The following PRKD3 variants were observed in gnomAD, a reference collection of about 807,000 sequenced individuals.
PRKD3 encodes the protein serine/threonine-protein kinase D3.
A neutral mutation model predicts 99.2 loss-of-function variants in PRKD3; 47 were observed. The observed-to-expected ratio is 0.47, with a 90% CI of 0.38 to 0.60. The LOEUF is 0.60. Ranked by LOEUF, PRKD3 falls within the 20% of genes least tolerant of loss-of-function variation. PRKD3 has a pLI of 0.00. For synonymous variants in PRKD3, 392 were observed against 355.4 expected, an observed-to-expected ratio of 1.10 and a Z score of -1.16; for missense variants, 1,019 against 1,088.4, an observed-to-expected ratio of 0.94 and a Z score of 0.90.
In PRKD3 at chr2:37,316,679, T is replaced by G. The variant is rs17410072; in HGVS notation, c.-155A>C. 67,783 of 1,435,200 alleles carry G rather than the reference T, an allele frequency of 0.047. 1,717 individuals carry two copies. Among genetic ancestry groups the G allele is most frequent in the African/African-American group, 0.05 (3,519 of 69,748 alleles). 88.9% of individuals were successfully genotyped at this position (1,435,200 alleles called of 1,614,324 possible). A position where few individuals can be genotyped will look rare whatever the true frequency, so the allele number is the denominator to read the frequency against. On this transcript the variant is annotated 5_prime_UTR_variant, in exon 2 of 19. Transcript: ENST00000234179. Reference sequence around the variant, plus strand: ...TGTTAAGCCACTCATGCCGATACTTTTAAGTTTTATCAAGGAGTTGAATGC... The same window carrying G: ...TGTTAAGCCACTCATGCCGATACTTGTAAGTTTTATCAAGGAGTTGAATGC...
chr2:37,273,830 CTG>C (rs1669428427), intron 11 of PRKD3, among the ~76,000 whole-genome samples: 1 of 152,166 alleles, frequency 6.6e-6, no homozygotes, highest in Non-Finnish European at 1.5e-5. Context: ...CGATTGTTAA[CTG>C]TTTACTTTTG....
In PRKD3 at chr2:37,256,890, C is replaced by T. The variant is rs1428165349; in HGVS notation, c.2185G>A (p.Glu729Lys). The change falls in exon 17 of 19, where the codon GAA (glutamate) becomes AAA (lysine). Residue 729 changes from glutamate (E) to lysine (K), a missense_variant. Glu to Lys is a moderately conservative substitution (Grantham distance 56). Around this residue, in one of 3 missense-constraint regions of PRKD3, gnomAD observed 184 missense variants for 275.1 expected, o/e 0.67. Transcript: ENST00000234179. Reference protein sequence around the residue: ...CDFGFARIIGEKSFRRSVVGT... With the variant: ...CDFGFARIIGKKSFRRSVVGT... ...ACCACAGATCTCCTGAATGACTTTT[C>T]ACCAATGATGCGTGCAAATCCAAAG... The T allele has an allele frequency of 1.2e-6, 2 of 1,613,984 alleles. No individual in the cohort carries two copies. The highest frequency in any genetic ancestry group is 1.7e-6 in the Non-Finnish European group (2 of 1,179,994).
At chr2:37,321,262 T>C (rs897610454) in intron 1 of PRKD3, among the ~76,000 whole-genome samples, 1 of 152,184 alleles carries the variant, frequency 6.6e-6, no homozygotes, top group African/African-American at 2.4e-5. Flanking sequence ...AATATTCTTT[T>C]GGGGAGCTAG....
Position 37,289,458 on chromosome 2 carries a change from A to T in PRKD3, c.615T>A (p.Ser205Arg), listed in dbSNP as rs562122456. The change falls in exon 5 of 19, where the codon AGT becomes AGA. Residue 205 changes from serine (S) to arginine (R), a missense_variant. Around this residue, in one of 3 missense-constraint regions of PRKD3, gnomAD observed 710 missense variants for 692.7 expected, o/e 1.02. Coordinates refer to ENST00000234179, the MANE Select transcript of PRKD3 (RefSeq NM_005813.6). ...RCAFKIPNNC[S>R]GVRKRRLSNV... ...TTGACAGACGTCTCTTTCTTACTCC[A>T]CTACAGTTATTTGGAATCTTGAAGG... is the stretch of plus-strand genomic sequence containing the variant. 2 of 1,613,820 alleles carry T rather than the reference A, an allele frequency of 1.2e-6. No homozygotes were observed. Among genetic ancestry groups the T allele is most frequent in the Non-Finnish European group, 1.7e-6 (2 of 1,179,786 alleles).
At position 37,318,305 on chromosome 2, in the gene PRKD3, G is replaced by C. The variant is rs555243123; in HGVS notation, c.-655-1126C>G. On this transcript the variant is annotated intron_variant, in intron 1 of 18. Coordinates refer to ENST00000234179, the MANE Select transcript of PRKD3 (RefSeq NM_005813.6). Reference sequence around the variant, plus strand: ...TGATCATTATTCCATCTTATATAATGTACAACACTTGATAGTTTACAAATG... The same window carrying C: ...TGATCATTATTCCATCTTATATAATCTACAACACTTGATAGTTTACAAATG... Among the ~76,000 whole-genome samples the C allele has an allele frequency of 1.8e-4, 28 of 152,244 alleles. 1 individual carries two copies. The South Asian group carries it at 5.8e-3, about 32-fold the overall frequency.
At chr2:37,314,609 T>C (rs112040615) in intron 2 of PRKD3, among the ~76,000 whole-genome samples, 2,702 of 152,282 alleles carry the variant, frequency 0.018, 46 homozygotes, top group African/African-American at 0.044. Context: ...AATAAATATA[T>C]ACAATTTTTT....
rs539399816 is a variant in PRKD3, at chr2:37,292,537, G to A, written c.427+596C>T. Among the ~76,000 whole-genome samples the A allele has an allele frequency of 2.7e-4, 41 of 152,068 alleles. No homozygotes were observed. In the Middle Eastern group the frequency reaches 0.014, roughly 50 times the overall value. ...TTTTTTTTGTATTTTTAGTACAGAC[G>A]GGGTTTCATCTTGTTAGCCAGGATG... On this transcript the variant is annotated intron_variant, in intron 3 of 18. Coordinates refer to ENST00000234179, the MANE Select transcript of PRKD3 (RefSeq NM_005813.6).
rs1480315604 is a variant in PRKD3, at chr2:37,293,158, T to C, written c.402A>G (p.Gly134=). ...LITSADEIHE[G]DLVEVVLSAL... ...CTGAAAGAACCACTTCCACTAGGTC[T>C]CCTTCATGTATTTCATCTGCTGAGG... The change falls in exon 3 of 19, where the codon GGA becomes GGG. Residue 134 remains glycine (G), a synonymous_variant. Coordinates refer to ENST00000234179, the MANE Select transcript of PRKD3 (RefSeq NM_005813.6). 1 of 1,591,006 alleles carries C rather than the reference T, an allele frequency of 6.3e-7. No homozygotes were observed. The highest frequency in any genetic ancestry group is 1.3e-5 in the African/African-American group (1 of 74,656).
chr2:37,263,276 T>G (rs1294193120), intron 14 of PRKD3, among the ~76,000 whole-genome samples: 1 of 152,194 alleles, frequency 6.6e-6, no homozygotes, highest in Non-Finnish European at 1.5e-5. Context: ...ATTCAAAAAT[T>G]AGTATTTTAA....
chr2:37,283,900 C>CAAAAAAA (rs397872003), intron 6 of PRKD3, among the ~76,000 whole-genome samples: 1 of 89,684 alleles, frequency 1.1e-5, no homozygotes, highest in Non-Finnish European at 2.4e-5. Context: ...GACTCTGTCT[C>CAAAAAAA]AAAAAAAAAA....
intron 3 of PRKD3, among the ~76,000 whole-genome samples, chr2:37,292,694 G>C (rs1337132601): frequency 6.6e-6 from 1 of 151,868 alleles, no homozygotes; most frequent in African/African-American, 2.4e-5. Flanking sequence ...TGTCCAGGCG[G>C]AAGTGCAGTA....
chr2:37,305,010 A>G (rs115025579), intron 2 of PRKD3, among the ~76,000 whole-genome samples: 3,469 of 152,276 alleles, frequency 0.023, 60 homozygotes, highest in Middle Eastern at 0.051. Flanking sequence ...TGGCTGCCTG[A>G]CATTGATTTT....
At chr2:37,306,943 A>G (rs932554706) in intron 2 of PRKD3, among the ~76,000 whole-genome samples, 2 of 152,236 alleles carry the variant, frequency 1.3e-5, no homozygotes, top group African/African-American at 2.4e-5. Flanking sequence ...CAATGGTACT[A>G]AAAGAGAGAC....
At chr2:37,320,711 C>A (rs935307254) in intron 1 of PRKD3, among the ~76,000 whole-genome samples, 11 of 152,044 alleles carry the variant, frequency 7.2e-5, no homozygotes, top group African/African-American at 2.4e-4. Context: ...GGATTACAGG[C>A]GTGAGCCACT....
rs1416733790 is a variant in PRKD3 at position 37,251,758 on chromosome 2, A to G, written c.*1419T>C. On this transcript the variant is annotated 3_prime_UTR_variant, in exon 19 of 19. Coordinates refer to ENST00000234179, the MANE Select transcript of PRKD3 (RefSeq NM_005813.6). Reference sequence around the variant, plus strand: ...GGGAGAGGCAAGAATGATAATCTTCATTTTACAGACTGAGGAACTGCCGAC... The same window carrying G: ...GGGAGAGGCAAGAATGATAATCTTCGTTTTACAGACTGAGGAACTGCCGAC... The G allele has an allele frequency of 6.6e-6, 1 of 152,120 alleles. No individual in the cohort carries two copies. The highest frequency in any genetic ancestry group is 2.4e-5 in the African/African-American group (1 of 41,416). The allele number at this position is 152,120 out of a possible 1,614,324, so 9.4% of individuals were successfully genotyped here. A position where few individuals can be genotyped will look rare whatever the true frequency, so the allele number is the denominator to read the frequency against.
chr2:37,289,507 C>T lies in PRKD3; in HGVS notation c.566G>A (p.Gly189Glu), dbSNP rs1444573545. The change falls in exon 5 of 19, where the codon GGA becomes GAA. Residue 189 changes from glycine to glutamate, a missense_variant. Physicochemically the swap from Gly to Glu is moderately conservative, Grantham distance 98. Coordinates refer to ENST00000234179, the MANE Select transcript of PRKD3 (RefSeq NM_005813.6). ...VRQGLKCEGCGLNYHKRCAFK... is the reference protein window; with the variant it reads ...VRQGLKCEGCELNYHKRCAFK... ...GGCACATCGTTTATGGTAATTTAAT[C>T]CACAGCCTAAACATATTTTACAAGG... 6.2e-7 allele frequency: 1 copy of T among 1,610,690 alleles called. No individual in the cohort carries two copies. The highest frequency in any genetic ancestry group is 1.3e-5 in the African/African-American group (1 of 74,742).
chr2:37,276,855 T>A (rs1669598112), intron 9 of PRKD3, among the ~76,000 whole-genome samples: 1 of 151,038 alleles, frequency 6.6e-6, no homozygotes, highest in Non-Finnish European at 1.5e-5. Context: ...TATATAACTT[T>A]ATTTTTTTCA....
intron 8 of PRKD3, chr2:37,278,214 T>G: frequency 3.9e-6 from 1 of 257,526 alleles, no homozygotes; most frequent in Non-Finnish European, 7.3e-6. Context: ...GAATGTTTTC[T>G]GGAGGGCCAC....
Position 37,275,818 on chromosome 2 carries a change from G to A in PRKD3, c.1323C>T (p.Asp441=), listed in dbSNP as rs760045804. Residue 441 remains aspartate, a synonymous_variant, in exon 10 of 19, where the codon GAC becomes GAT. Coordinates refer to ENST00000234179, the MANE Select transcript of PRKD3 (RefSeq NM_005813.6). ...NLRKRHYWRL[D]SKCLTLFQNE... Reference sequence around the variant, plus strand: ...TCTGAAATAATGTTAGACATTTGCTGTCAAGTCTCCAATAATGCCTCTTTC... The same window carrying A: ...TCTGAAATAATGTTAGACATTTGCTATCAAGTCTCCAATAATGCCTCTTTC... 1.2e-5 allele frequency: 19 copies of A among 1,608,250 alleles called. No individual in the cohort carries two copies. Among genetic ancestry groups the A allele is most frequent in the South Asian group, 3.4e-5 (3 of 89,462 alleles).
Sources: gnomAD v4.1 joint callset for allele counts (sites outside exome capture counted in the v4.1 genomes callset) on GRCh38, gnomAD v4.1.1 for gene constraint, gnomAD v4.1.1 regional missense constraint, MANE v1.5 for transcripts, NCBI Gene and HGNC (gene_info 2026-07-23, HGNC 2026-07-21) for gene names.